ZC3H7B: variants seen among roughly 807,000 people sequenced by gnomAD.
The protein encoded by ZC3H7B is zinc finger CCCH-type containing 7B.
In ZC3H7B, 35 loss-of-function variants were observed where a neutral mutation model predicts 116.0. That is an observed-to-expected ratio of 0.30 (90% confidence interval 0.23 to 0.40). ZC3H7B has a LOEUF of 0.40. Ranked by LOEUF, ZC3H7B falls within the 10% of genes least tolerant of loss-of-function variation. The pLI is 1.00. For synonymous variants in ZC3H7B, 502 were observed against 545.6 expected (o/e 0.92, Z 1.11); for missense variants, 1,011 against 1,321.5 (o/e 0.77, Z 3.64).
chr22:41,354,926 C>G (rs977873665), intron 17 of ZC3H7B, among the ~76,000 whole-genome samples: 1 of 152,164 alleles, frequency 6.6e-6, no homozygotes, highest in East Asian at 1.9e-4. Flanking sequence ...CTACCCCTGC[C>G]GGGGTGGCTT....
intron 1 of ZC3H7B, among the ~76,000 whole-genome samples, chr22:41,311,246 G>A (rs780128478): frequency 6.6e-6 from 1 of 151,898 alleles, no homozygotes; most frequent in Non-Finnish European, 1.5e-5. Flanking sequence ...TTGAGGGTCC[G>A]AGAGGTGGCC....
At chr22:41,332,361 CACGGGGGCAGGAT>C (rs781616746) in intron 7 of ZC3H7B, 134 bp downstream of exon 7, 178 of 1,089,992 alleles carry the variant, frequency 1.6e-4, no homozygotes, top group Non-Finnish European at 2.0e-4. Context: ...CTCCCGTGTC[CACGGGGGCAGGAT>C]GTGGGGACAG....
chr22:41,304,769 T>A (rs1275048249), intron 1 of ZC3H7B, among the ~76,000 whole-genome samples: 1 of 152,156 alleles, frequency 6.6e-6, no homozygotes, highest in East Asian at 1.9e-4. Context: ...TTATAGTAGC[T>A]CCGTGAGGGG....
rs2036622990 is a variant in ZC3H7B at position 41,348,975 on chromosome 22, T to G, written c.1767-145T>G. On this transcript the variant is annotated intron_variant, in intron 15 of 22. Transcript: ENST00000352645. ...GAGCATAGGAGCCCTGTTTCTGCCC[T>G]CCTGTGTCATCCATGGCCTGGATTT... The G allele has an allele frequency of 7.8e-6, 7 of 895,936 alleles. No homozygotes were observed. In the South Asian group the frequency reaches 1.2e-4, roughly 15 times the overall value. 55.5% of individuals were successfully genotyped at this position (895,936 alleles called of 1,614,324 possible). A position where few individuals can be genotyped will look rare whatever the true frequency, so the allele number is the denominator to read the frequency against.
intron 13 of ZC3H7B, among the ~76,000 whole-genome samples, chr22:41,344,102 C>T (rs767883758): frequency 1.4e-4 from 21 of 152,332 alleles, no homozygotes; most frequent in Middle Eastern, 3.4e-3. Flanking sequence ...CCCAGCCAAG[C>T]GCCTTGGTCC....
Position 41,309,008 on chromosome 22 carries a change from C to CTTTTTTTTTTTTTTT in ZC3H7B, c.-7+7243_-7+7257dup, listed in dbSNP as rs57147100. Among the ~76,000 whole-genome samples the CTTTTTTTTTTTTTTT allele has an allele frequency of 5.6e-4, 58 of 103,280 alleles. 6 individuals are homozygous for CTTTTTTTTTTTTTTT. Among genetic ancestry groups the CTTTTTTTTTTTTTTT allele is most frequent in the Admixed American group, 7.5e-4 (5 of 6,640 alleles). The allele number at this position is 103,280 out of a possible 152,430, so 67.8% of individuals were successfully genotyped here. A position where few individuals can be genotyped will look rare whatever the true frequency, so the allele number is the denominator to read the frequency against. ...GGGCCTTCCCTAAACTCCCAGTCTGCTTTTTTTTTTTTTTTTTTTTTGAGA... is the reference window on the plus strand; with the variant it reads ...GGGCCTTCCCTAAACTCCCAGTCTGCTTTTTTTTTTTTTTTTTTTTTTTTTTTTTTTTTTTTGAGA... On this transcript the variant is annotated intron_variant, in intron 1 of 22. Transcript: ENST00000352645.
At position 41,338,650 on chromosome 22, in the gene ZC3H7B, C is replaced by T. The variant is rs2036475738; in HGVS notation, c.625+295C>T. Among the ~76,000 whole-genome samples the T allele has an allele frequency of 1.3e-5, 2 of 152,294 alleles. No individual in the cohort carries two copies. The highest frequency in any genetic ancestry group is 2.1e-4 in the South Asian group (1 of 4,826). ...CCCCACCTCTTCCAAAGCCCTTTCC[C>T]CTCCTCTTCCTCATTGGCTTCCAGA... is the stretch of plus-strand genomic sequence containing the variant. On this transcript the variant is annotated intron_variant, in intron 8 of 22. Transcript: ENST00000352645. This position sits in a 1 kb window ranked among gnomAD's most constrained non-coding sequence, Gnocchi z 4.5.
At chr22:41,344,113 C>T (rs561452288) in intron 13 of ZC3H7B, among the ~76,000 whole-genome samples, 3 of 152,354 alleles carry the variant, frequency 2.0e-5, no homozygotes, top group African/African-American at 4.8e-5. Flanking sequence ...GCCTTGGTCC[C>T]GCTGTACGGC....
chr22:41,355,694 A>G, intron 18 of ZC3H7B, 63 bp from the exon 19 acceptor site: 1 of 1,611,768 alleles, frequency 6.2e-7, no homozygotes, highest in Non-Finnish European at 8.5e-7. Context: ...AGGGCTCTCC[A>G]CAGAGGTCAC....
intron 2 of ZC3H7B, among the ~76,000 whole-genome samples, chr22:41,322,761 C>T (rs2036273605): frequency 6.6e-6 from 1 of 152,136 alleles, no homozygotes; most frequent in African/African-American, 2.4e-5. Context: ...ATATACTCCC[C>T]ACTTTTGTTC....
intron 13 of ZC3H7B, 131 bp from the exon 14 acceptor site, chr22:41,345,872 C>A: frequency 1.1e-6 from 1 of 889,718 alleles, no homozygotes; most frequent in South Asian, 1.5e-5. Context: ...GCTCACCTAG[C>A]TGTGTTGGGG....
intron 7 of ZC3H7B, among the ~76,000 whole-genome samples, chr22:41,337,880 T>C (rs1353350959): frequency 3.3e-5 from 5 of 151,526 alleles, no homozygotes; most frequent in African/African-American, 1.2e-4. Flanking sequence ...TTTTTTTTTT[T>C]TTTTTGAGGT....
rs563597741 is a variant in ZC3H7B, at chr22:41,351,862, A to T, written c.2034+216A>T. On this transcript the variant is annotated intron_variant, in intron 17 of 22. Transcript: ENST00000352645. The surrounding 1 kb of genome is among the most constrained non-coding windows in gnomAD (Gnocchi z 5.1). ...TTTTGAGACAGGGTCTTGCTCTGTCACCCAGCCTGGAGTGCAGTGGTATGA... is the reference window on the plus strand; with the variant it reads ...TTTTGAGACAGGGTCTTGCTCTGTCTCCCAGCCTGGAGTGCAGTGGTATGA... 2.6e-5 allele frequency among the ~76,000 whole-genome samples: 4 copies of T among 152,042 alleles called. No homozygotes were observed. The South Asian group carries it at 8.3e-4, about 32-fold the overall frequency.
Position 41,340,132 on chromosome 22 carries a change from T to C in ZC3H7B, c.1133T>C (p.Phe378Ser), listed in dbSNP as rs770712039. The change falls in exon 10 of 23, where the codon TTC becomes TCC. Residue 378 changes from phenylalanine (F) to serine (S), a missense_variant. Phe to Ser is a radical substitution (Grantham distance 155). Around this residue, in one of 5 missense-constraint regions of ZC3H7B, gnomAD observed 99 missense variants for 89.5 expected, o/e 1.11. Coordinates refer to ENST00000352645, the MANE Select transcript of ZC3H7B (RefSeq NM_017590.6). ...GGCTCCCTGGACAAACCTGACTCCT[T>C]CATGGGTAAGGCCATGGGTGGGCCC... ...TRGSLDKPDS[F>S]MEETNSQDHR... is the part of the protein sequence containing the mutation. 3.7e-6 allele frequency: 6 copies of C among 1,601,742 alleles called. No homozygotes were observed. In the East Asian group the frequency reaches 1.3e-4, roughly 36 times the overall value.
At position 41,327,058 on chromosome 22, in the gene ZC3H7B, G is replaced by A; in HGVS notation, c.286-148G>A. 1 of 1,123,764 alleles carries A rather than the reference G, an allele frequency of 8.9e-7. No individual in the cohort carries two copies. The highest frequency in any genetic ancestry group is 2.7e-5 in the Admixed American group (1 of 37,038). The allele number at this position is 1,123,764 out of a possible 1,614,324, so 69.6% of individuals were successfully genotyped here. On this transcript the variant is annotated intron_variant, in intron 4 of 22. Coordinates refer to ENST00000352645, the MANE Select transcript of ZC3H7B (RefSeq NM_017590.6). The surrounding 1 kb of genome is among the most constrained non-coding windows in gnomAD (Gnocchi z 4.5). ...CCAGAGTGCTTCCTTCTCTCCTGGA[G>A]CCTCGAGCCCTGTCCCTGACCCAAG...
intron 2 of ZC3H7B, among the ~76,000 whole-genome samples, chr22:41,321,495 G>A (rs975215158): frequency 2.6e-5 from 4 of 151,828 alleles, no homozygotes; most frequent in African/African-American, 9.7e-5. Flanking sequence ...GATTACAGGC[G>A]TGAGCCACCG....
chr22:41,338,282 C>G lies in ZC3H7B; in HGVS notation c.583-31C>G. 1 of 1,607,830 alleles carries G rather than the reference C, an allele frequency of 6.2e-7. No individual in the cohort carries two copies. The highest frequency in any genetic ancestry group is 8.5e-7 in the Non-Finnish European group (1 of 1,178,552). On this transcript the variant is annotated intron_variant, in intron 7 of 22. Transcript: ENST00000352645. The surrounding 1 kb of genome is among the most constrained non-coding windows in gnomAD (Gnocchi z 4.5). ...GGTGCTGGGATCGGGGCCTTCCCAG[C>G]CACAGCGCCACTGTGGCCCTCTCCC...
At chr22:41,347,091 A>G (rs2036595978) in intron 14 of ZC3H7B, among the ~76,000 whole-genome samples, 1 of 152,162 alleles carries the variant, frequency 6.6e-6, no homozygotes, top group Non-Finnish European at 1.5e-5. Flanking sequence ...CCACACAGAC[A>G]GTGCCGTGCA....
intron 1 of ZC3H7B, among the ~76,000 whole-genome samples, chr22:41,319,257 TA>T (rs2036223069): frequency 6.6e-6 from 1 of 151,828 alleles, no homozygotes; most frequent in Admixed American, 6.6e-5. Flanking sequence ...AAAAATTAGC[TA>T]GGCATGGTGG....
Sources: gnomAD v4.1 joint callset for allele counts (sites outside exome capture counted in the v4.1 genomes callset) on GRCh38, gnomAD v4.1.1 for gene constraint, gnomAD v4.1.1 regional missense constraint, Gnocchi (gnomAD v3.1) non-coding constraint, MANE v1.5 for transcripts, NCBI Gene and HGNC (gene_info 2026-07-23, HGNC 2026-07-21) for gene names.